The following PPM1H variants were observed in gnomAD, a reference collection of about 807,000 sequenced individuals.
PPM1H encodes protein phosphatase, Mg2+/Mn2+ dependent 1H, also known as protein phosphatase 1H.
In PPM1H, 27 loss-of-function variants were observed where a neutral mutation model predicts 54.9. The observed-to-expected ratio is 0.49, with a 90% CI of 0.36 to 0.68. The LOEUF is 0.68. PPM1H is among the 30% of genes least tolerant of loss of function. The probability of loss-of-function intolerance (pLI) is 0.00; values close to 1 mark genes in which losing one functional copy is unlikely to be tolerated. For missense variants in PPM1H, 596 were observed against 667.8 expected (o/e 0.89, Z 1.19); for synonymous variants, 305 against 270.8 (o/e 1.13, Z -1.24).
chr12:62,716,799 G>C (rs1330315376), intron 6 of PPM1H, among the ~76,000 whole-genome samples: 4 of 152,104 alleles, frequency 2.6e-5, no homozygotes. Context: ...CAAAGTGCTA[G>C]GATTATGGGC....
intron 1 of PPM1H, among the ~76,000 whole-genome samples, chr12:62,930,253 A>T (rs1036996025): frequency 6.6e-6 from 1 of 152,348 alleles, no homozygotes; most frequent in South Asian, 2.1e-4. Context: ...ACTCTGTGAG[A>T]CATACACTTA....
chr12:62,658,477 G>A (rs940175645), intron 9 of PPM1H, among the ~76,000 whole-genome samples: 2 of 150,502 alleles, frequency 1.3e-5, no homozygotes, highest in Non-Finnish European at 3.0e-5. Flanking sequence ...TTCTTCCCAG[G>A]AGACCCCCCC....
intron 8 of PPM1H, among the ~76,000 whole-genome samples, chr12:62,681,513 G>A (rs2076018996): frequency 6.6e-6 from 1 of 152,088 alleles, no homozygotes; most frequent in South Asian, 2.1e-4. Flanking sequence ...GACCTCTGGG[G>A]CAGTTAGCTT....
intron 5 of PPM1H, among the ~76,000 whole-genome samples, chr12:62,737,269 T>C (rs1158413876): frequency 6.8e-6 from 1 of 147,278 alleles, no homozygotes; most frequent in Non-Finnish European, 1.5e-5. Flanking sequence ...ATGTCTTCAA[T>C]TGGTCACAGA....
intron 5 of PPM1H, among the ~76,000 whole-genome samples, chr12:62,728,945 T>A (rs2076305202): frequency 6.8e-6 from 1 of 147,752 alleles, no homozygotes; most frequent in African/African-American, 2.7e-5. Flanking sequence ...CTTTTGATAA[T>A]TTTTTTTTCC....
rs529274371 is a variant in PPM1H at position 62,846,527 on chromosome 12, A to G, written c.246-14248T>C. Among the ~76,000 whole-genome samples, 478 of 149,932 alleles carry G rather than the reference A, an allele frequency of 3.2e-3. 2 individuals are homozygous for G. The highest frequency in any genetic ancestry group is 0.011 in the African/African-American group (455 of 40,756). On this transcript the variant is annotated intron_variant, in intron 1 of 9. Coordinates refer to ENST00000228705, the MANE Select transcript of PPM1H (RefSeq NM_020700.2). ...AAAAAAAAAAATTTTTTTTTTTTTT[A>G]ACTTTTTAGCTTACCATATCAGTGT...
chr12:62,868,342 T>G (rs1869857105), intron 1 of PPM1H, among the ~76,000 whole-genome samples: 1 of 151,276 alleles, frequency 6.6e-6, no homozygotes, highest in Non-Finnish European at 1.5e-5. Context: ...GGTCGCAAGC[T>G]GGAGCCCGCT....
rs145290378 is a variant in PPM1H, at chr12:62,712,925, T to C, written c.1073+7246A>G. 8.5e-5 allele frequency among the ~76,000 whole-genome samples: 13 copies of C among 152,360 alleles called. No individual in the cohort carries two copies. In the East Asian group the frequency reaches 2.5e-3, roughly 29 times the overall value. ...ATTCAATAAATCAATTTATATTAAA[T>C]GCGGGCGCAGCTCTGGAGTTGGCTT... On this transcript the variant is annotated intron_variant, in intron 6 of 9. Coordinates refer to ENST00000228705, the MANE Select transcript of PPM1H (RefSeq NM_020700.2).
Position 62,934,484 on chromosome 12 carries a change from GCACT to G in PPM1H, c.245+4_245+7del. 6.5e-7 allele frequency: 1 copy of G among 1,538,850 alleles called. No homozygotes were observed. The highest frequency in any genetic ancestry group is 2.0e-5 in the Admixed American group (1 of 50,442). On this transcript the variant is annotated splice_donor_5th_base_variant and intron_variant, in intron 1 of 9. Coordinates refer to ENST00000228705, the MANE Select transcript of PPM1H (RefSeq NM_020700.2). This position sits in a 1 kb window ranked among gnomAD's most constrained non-coding sequence, Gnocchi z 4.2. The stretch of plus-strand genomic sequence containing the variant: ...GAGCAGGGGCGCCGCCGGTGTCGCT[GCACT>G]CACTCTGCGTAGCCAGTGGCCCAGG...
chr12:62,746,571 C>T (rs1242305292), intron 4 of PPM1H, among the ~76,000 whole-genome samples: 1 of 152,196 alleles, frequency 6.6e-6, no homozygotes, highest in Admixed American at 6.5e-5. Context: ...CCCCTTCATA[C>T]ATCACTACTA....
chr12:62,747,793 G>C (rs1395605300), intron 4 of PPM1H, among the ~76,000 whole-genome samples: 1 of 152,170 alleles, frequency 6.6e-6, no homozygotes, highest in Non-Finnish European at 1.5e-5. Context: ...GAGACAATAG[G>C]CATAGAGCTT....
chr12:62,755,418 G>A (rs778277565), intron 4 of PPM1H: 8 of 726,134 alleles, frequency 1.1e-5, no homozygotes, highest in Admixed American at 5.3e-5. Flanking sequence ...CTGAGAATGG[G>A]AAGCTTGTCA....
chr12:62,902,991 T>G (rs971644289), intron 1 of PPM1H, among the ~76,000 whole-genome samples: 6 of 152,160 alleles, frequency 3.9e-5, no homozygotes, highest in African/African-American at 1.2e-4. Context: ...GATCACTGCT[T>G]TTTTACAAGG....
chr12:62,665,533 TCTCTTTGTCTAAGC>T (rs2075913042), intron 9 of PPM1H, among the ~76,000 whole-genome samples: 1 of 152,206 alleles, frequency 6.6e-6, no homozygotes, highest in South Asian at 2.1e-4. Context: ...CATTGTCTTT[TCTCTTTGTCTAAGC>T]CATCTACTGG....
At chr12:62,927,689 A>T (rs1429731676) in intron 1 of PPM1H, among the ~76,000 whole-genome samples, 1 of 151,810 alleles carries the variant, frequency 6.6e-6, no homozygotes, top group South Asian at 2.1e-4. Context: ...AAGAAAAAGA[A>T]AAAAGAAAAT....
intron 1 of PPM1H, among the ~76,000 whole-genome samples, chr12:62,915,098 C>A (rs73318287): frequency 1.7e-4 from 26 of 152,194 alleles, no homozygotes; most frequent in Non-Finnish European, 2.8e-4. Flanking sequence ...CATACAAGGG[C>A]GTTCACAATC....
intron 1 of PPM1H, among the ~76,000 whole-genome samples, chr12:62,835,794 A>C (rs898108726): frequency 1.3e-5 from 2 of 152,142 alleles, no homozygotes; most frequent in African/African-American, 2.4e-5. Flanking sequence ...TACTTTACAC[A>C]GCTTTAGTAG....
At chr12:62,752,875 C>T (rs982352815) in intron 4 of PPM1H, among the ~76,000 whole-genome samples, 10 of 152,054 alleles carry the variant, frequency 6.6e-5, no homozygotes, top group East Asian at 1.9e-4. Flanking sequence ...GCTTGGACAA[C>T]GAAGGACGAT....
intron 2 of PPM1H, 134 bp from the exon 3 acceptor site, chr12:62,802,294 T>C: frequency 3.2e-6 from 2 of 625,974 alleles, no homozygotes; most frequent in Non-Finnish European, 5.1e-6. Flanking sequence ...GGTCAAAACA[T>C]AGCAAACAAA....
Sources: allele counts gnomAD v4.1 joint callset (sites outside exome capture counted in the v4.1 genomes callset), GRCh38; gene constraint gnomAD v4.1.1; non-coding constraint Gnocchi (gnomAD v3.1); transcripts MANE v1.5; gene names NCBI Gene and HGNC (gene_info 2026-07-23, HGNC 2026-07-21).